MARCHF1: variants seen among roughly 807,000 people sequenced by gnomAD.
MARCHF1 encodes the protein E3 ubiquitin-protein ligase MARCHF1.
MARCHF1 carries 40 observed loss-of-function variants against 54.2 expected under a neutral mutation model. That is an observed-to-expected ratio of 0.74 (90% CI 0.57 to 0.96). The LOEUF (loss-of-function observed/expected upper bound fraction) is 0.96. MARCHF1 is among the 40% of genes least tolerant of loss of function. The pLI is 0.00. For synonymous variants in MARCHF1, 236 were observed against 236.3 expected (o/e 1.00, Z 0.01); for missense variants, 586 against 656.5 (o/e 0.89, Z 1.17).
At chr4:163,711,191 G>A (rs1228521419) in intron 4 of MARCHF1, among the ~76,000 whole-genome samples, 1 of 152,104 alleles carries the variant, frequency 6.6e-6, no homozygotes, top group Non-Finnish European at 1.5e-5. Flanking sequence ...AAATCTGCCA[G>A]TGGTTTCATT....
intron 4 of MARCHF1, among the ~76,000 whole-genome samples, chr4:163,808,253 G>A (rs1748282508): frequency 6.6e-6 from 1 of 152,154 alleles, no homozygotes; most frequent in Non-Finnish European, 1.5e-5. Context: ...TGTCTGGAAT[G>A]TCCGTTCTCC....
intron 1 of MARCHF1, among the ~76,000 whole-genome samples, chr4:164,138,653 G>A (rs1408566972): frequency 6.6e-6 from 1 of 152,210 alleles, no homozygotes; most frequent in African/African-American, 2.4e-5. Flanking sequence ...AGAAGCAAGT[G>A]TCAGTCATTA....
chr4:163,901,929 A>G (rs112346038), intron 3 of MARCHF1, among the ~76,000 whole-genome samples: 8 of 152,318 alleles, frequency 5.3e-5, no homozygotes, highest in African/African-American at 1.7e-4. Flanking sequence ...AATAAACTCC[A>G]AGTCTTGTGA....
At chr4:164,165,556 C>T (rs778677287) in intron 1 of MARCHF1, among the ~76,000 whole-genome samples, 3 of 151,980 alleles carry the variant, frequency 2.0e-5, no homozygotes, top group Non-Finnish European at 4.4e-5. Context: ...GCCCAATCTA[C>T]AGCATTTTGT....
intron 1 of MARCHF1, among the ~76,000 whole-genome samples, chr4:164,325,296 A>G (rs997274168): frequency 1.3e-5 from 2 of 149,650 alleles, no homozygotes; most frequent in Non-Finnish European, 3.0e-5. Flanking sequence ...ATCATACAAG[A>G]GAAATGGACA....
chr4:163,970,081 A>G (rs1417031091), intron 3 of MARCHF1, among the ~76,000 whole-genome samples: 5 of 152,208 alleles, frequency 3.3e-5, no homozygotes, highest in African/African-American at 1.2e-4. Flanking sequence ...TACAACCTCC[A>G]ATACAAGACA....
At position 164,340,435 on chromosome 4, in the gene MARCHF1, A is replaced by ATATATATATATATATATATG. The variant is rs1729888427; in HGVS notation, c.-323+43434_-323+43435insCATATATATATATATATATA. 1.5e-5 allele frequency among the ~76,000 whole-genome samples: 2 copies of ATATATATATATATATATATG among 136,340 alleles called. 1 individual carries two copies. Among genetic ancestry groups the ATATATATATATATATATATG allele is most frequent in the East Asian group, 4.6e-4 (2 of 4,384 alleles). The allele number at this position is 136,340 out of a possible 152,430, so 89.4% of individuals were successfully genotyped here. On this transcript the variant is annotated intron_variant, in intron 1 of 9. Coordinates refer to ENST00000514618, the MANE Select transcript of MARCHF1 (RefSeq NM_001394959.1). ...TATAGATATATATATATATATATAT[A>ATATATATATATATATATATG]GTTTGTTTGTTTGAGACTGAGTTTC...
chr4:164,251,691 T>G (rs764784278), intron 1 of MARCHF1, among the ~76,000 whole-genome samples: 1 of 152,176 alleles, frequency 6.6e-6, no homozygotes, highest in Non-Finnish European at 1.5e-5. Context: ...ATTCAAGGCC[T>G]GGCTTAAGGG....
intron 3 of MARCHF1, among the ~76,000 whole-genome samples, chr4:163,871,405 C>A (rs1434720013): frequency 6.6e-6 from 1 of 152,052 alleles, no homozygotes; most frequent in East Asian, 1.9e-4. Flanking sequence ...TTAACATTTA[C>A]CTTGTGTTAT....
chr4:164,227,722 T>TA (rs768080961), intron 1 of MARCHF1, among the ~76,000 whole-genome samples: 53 of 151,596 alleles, frequency 3.5e-4, no homozygotes, highest in Admixed American at 2.1e-3. Flanking sequence ...GTTGTTAATT[T>TA]AAAAAAAAAC....
intron 1 of MARCHF1, among the ~76,000 whole-genome samples, chr4:164,176,764 T>C (rs1309432731): frequency 6.6e-6 from 1 of 151,670 alleles, no homozygotes; most frequent in East Asian, 1.9e-4. Flanking sequence ...TTTAATTTTA[T>C]AGTCCTTCTA....
At chr4:163,640,520 A>C (rs1213219781) in intron 5 of MARCHF1, among the ~76,000 whole-genome samples, 1 of 152,116 alleles carries the variant, frequency 6.6e-6, no homozygotes, top group Non-Finnish European at 1.5e-5. Context: ...TGCAAATATA[A>C]AAGGACAGTT....
chr4:164,186,942 A>G (rs577303303), intron 1 of MARCHF1, among the ~76,000 whole-genome samples: 1 of 152,282 alleles, frequency 6.6e-6, no homozygotes, highest in East Asian at 1.9e-4. Context: ...ATGTTTGTGA[A>G]TCAATTATTT....
At position 164,284,876 on chromosome 4, in the gene MARCHF1, G is replaced by T. The variant is rs995868704; in HGVS notation, c.-323+98994C>A. 2.0e-5 allele frequency among the ~76,000 whole-genome samples: 3 copies of T among 151,004 alleles called. 1 individual carries two copies. The highest frequency in any genetic ancestry group is 7.3e-5 in the African/African-American group (3 of 41,100). On this transcript the variant is annotated intron_variant, in intron 1 of 9. Coordinates refer to ENST00000514618, the MANE Select transcript of MARCHF1 (RefSeq NM_001394959.1). ...TTAGATACAAAATAACCCAAATATG[G>T]TTGAGCTTTTTACTTCCAAAGAATT...
At chr4:164,115,937 C>A (rs2110749976) in intron 1 of MARCHF1, among the ~76,000 whole-genome samples, 1 of 151,874 alleles carries the variant, frequency 6.6e-6, no homozygotes, top group South Asian at 2.1e-4. Context: ...TAAGGAATTC[C>A]AAATTTTAAA....
At chr4:163,608,772 C>T (rs1008951477) in intron 7 of MARCHF1, among the ~76,000 whole-genome samples, 10 of 152,022 alleles carry the variant, frequency 6.6e-5, no homozygotes, top group Non-Finnish European at 1.2e-4. Context: ...GGCTTAGGAG[C>T]TTCTTTCTTT....
At chr4:163,547,285 C>T (rs907598440) in intron 8 of MARCHF1, among the ~76,000 whole-genome samples, 6 of 152,208 alleles carry the variant, frequency 3.9e-5, no homozygotes, top group Non-Finnish European at 1.5e-5. Context: ...AACCATTCTT[C>T]ACTTCTTCTG....
At chr4:164,027,353 T>C (rs1452557042) in intron 2 of MARCHF1, among the ~76,000 whole-genome samples, 2 of 58,476 alleles carry the variant, frequency 3.4e-5, no homozygotes, top group South Asian at 5.2e-4. Flanking sequence ...CAAAACAGCA[T>C]GGTACAGGTA....
At chr4:164,114,527 G>A (rs1755901216) in intron 1 of MARCHF1, among the ~76,000 whole-genome samples, 1 of 151,464 alleles carries the variant, frequency 6.6e-6, no homozygotes, top group African/African-American at 2.4e-5. Context: ...AATATTTAGT[G>A]CAGAAATTTA....
Sources: allele counts gnomAD v4.1 joint callset (sites outside exome capture counted in the v4.1 genomes callset), GRCh38; gene constraint gnomAD v4.1.1; transcripts MANE v1.5; gene names NCBI Gene and HGNC (gene_info 2026-07-23, HGNC 2026-07-21).